The following PIEZO2 variants were observed in gnomAD, a reference collection of about 807,000 sequenced individuals.
The protein encoded by PIEZO2 is piezo-type mechanosensitive ion channel component 2.
Under a neutral mutation model 337.3 loss-of-function variants are expected in PIEZO2, and 172 were observed. The ratio of observed to expected loss-of-function variants is 0.51; its 90% CI spans 0.45 to 0.58. PIEZO2 has a LOEUF of 0.58. PIEZO2 is among the 20% of genes least tolerant of loss of function. The pLI, the probability that PIEZO2 is intolerant of heterozygous loss-of-function variation, is 0.00. For synonymous variants in PIEZO2, 1,251 were observed against 1,228.5 expected, an observed-to-expected ratio of 1.02 and a Z score of -0.38; for missense variants, 3,028 against 3,391.3, an observed-to-expected ratio of 0.89 and a Z score of 2.66.
In PIEZO2 at chr18:10,892,159, G is replaced by A. The variant is rs1162652138; in HGVS notation, c.329+19027C>T. 3.3e-5 allele frequency among the ~76,000 whole-genome samples: 5 copies of A among 152,080 alleles called. No homozygotes were observed. The East Asian group carries it at 7.7e-4, about 23-fold the overall frequency. On this transcript the variant is annotated intron_variant, in intron 4 of 55. Coordinates refer to ENST00000674853, the MANE Select transcript of PIEZO2 (RefSeq NM_001378183.1). ...CAAAACTGAAAACAACCCAATTATC[G>A]ACCAACCAATCAGCAGATAACTGAT...
chr18:10,686,129 C>T (rs1457541737), intron 49 of PIEZO2, among the ~76,000 whole-genome samples: 1 of 152,186 alleles, frequency 6.6e-6, no homozygotes, highest in Non-Finnish European at 1.5e-5. Flanking sequence ...TCTCTGTGCC[C>T]TTGTTGGGCT....
At chr18:10,857,989 T>TTTTCTTTCTTTC (rs1185961096) in intron 5 of PIEZO2, among the ~76,000 whole-genome samples, 2 of 149,382 alleles carry the variant, frequency 1.3e-5, no homozygotes, top group African/African-American at 5.0e-5. Context: ...ACTTTTTCTT[T>TTTTCTTTCTTTC]TTTCTTTCTT....
At chr18:10,955,649 G>C (rs1037976905) in intron 3 of PIEZO2, among the ~76,000 whole-genome samples, 4 of 152,156 alleles carry the variant, frequency 2.6e-5, no homozygotes, top group African/African-American at 9.7e-5. Flanking sequence ...GGGGTACCAT[G>C]TAAGAAGATC....
chr18:10,981,032 T>A (rs2034644232), intron 2 of PIEZO2, among the ~76,000 whole-genome samples: 1 of 152,178 alleles, frequency 6.6e-6, no homozygotes, highest in African/African-American at 2.4e-5. Context: ...GTGCCCATGA[T>A]GTTCTCTTCC....
rs200936722 is a variant in PIEZO2, at chr18:11,006,701, G to C, written c.161-27041C>G. ...TCTTTCCTTTCTTTCCTCCTCCCCTGCCTCCCTCCCTCATGCTCTTCCTCT... is the reference window on the plus strand; with the variant it reads ...TCTTTCCTTTCTTTCCTCCTCCCCTCCCTCCCTCCCTCATGCTCTTCCTCT... On this transcript the variant is annotated intron_variant, in intron 2 of 55. Transcript: ENST00000674853. Among the ~76,000 whole-genome samples the C allele has an allele frequency of 3.3e-5, 5 of 151,760 alleles. No homozygotes were observed. The East Asian group carries it at 7.8e-4, about 24-fold the overall frequency.
chr18:10,797,893 G>A (rs1343346871), intron 11 of PIEZO2, among the ~76,000 whole-genome samples: 1 of 152,224 alleles, frequency 6.6e-6, no homozygotes, highest in Non-Finnish European at 1.5e-5. Flanking sequence ...CTCTAGAGGG[G>A]ATGAAGGGTC....
At chr18:11,007,067 A>G (rs190162928) in intron 2 of PIEZO2, among the ~76,000 whole-genome samples, 50 of 152,298 alleles carry the variant, frequency 3.3e-4, no homozygotes, top group Admixed American at 9.2e-4. Flanking sequence ...TGAGGTATAC[A>G]ATAAATTATT....
At chr18:10,916,601 C>T (rs963380970) in intron 3 of PIEZO2, among the ~76,000 whole-genome samples, 6 of 152,142 alleles carry the variant, frequency 3.9e-5, no homozygotes, top group African/African-American at 9.6e-5. Flanking sequence ...AGGCCGCGCC[C>T]ATCTAGAACT....
chr18:10,990,926 C>T (rs2035066462), intron 2 of PIEZO2, among the ~76,000 whole-genome samples: 1 of 151,824 alleles, frequency 6.6e-6, no homozygotes, highest in South Asian at 2.1e-4. Flanking sequence ...AAAATATTTG[C>T]AAGCCTGTTC....
At position 11,004,549 on chromosome 18, in the gene PIEZO2, G is replaced by A. The variant is rs114857718; in HGVS notation, c.161-24889C>T. Among the ~76,000 whole-genome samples the A allele has an allele frequency of 5.4e-3, 816 of 152,296 alleles. 6 individuals carry two copies. Among genetic ancestry groups the A allele is most frequent in the African/African-American group, 0.019 (773 of 41,560 alleles). The stretch of plus-strand genomic sequence containing the variant: ...AGTTGCTCTCCACCCAGTTGCCTTA[G>A]GGAGTTAGTTTAGAACGGATAAGGA... On this transcript the variant is annotated intron_variant, in intron 2 of 55. Coordinates refer to ENST00000674853, the MANE Select transcript of PIEZO2 (RefSeq NM_001378183.1).
chr18:10,914,460 C>CAT (rs2030766247), intron 3 of PIEZO2, among the ~76,000 whole-genome samples: 3 of 152,058 alleles, frequency 2.0e-5, no homozygotes, highest in South Asian at 4.2e-4. Flanking sequence ...AACCTTGCAG[C>CAT]CCCCTGCATA....
Position 10,689,576 on chromosome 18 carries a change from A to G in PIEZO2, c.7497+79T>C. 10 of 1,578,924 alleles carry G rather than the reference A, an allele frequency of 6.3e-6. 1 individual carries two copies. The South Asian group carries it at 1.1e-4, about 18-fold the overall frequency. On this transcript the variant is annotated intron_variant, in intron 49 of 55. Coordinates refer to ENST00000674853, the MANE Select transcript of PIEZO2 (RefSeq NM_001378183.1). ...TTTGCCTCATGCCTTCATTGTGAGC[A>G]GAAGTTCACATTCATCTTATAACCA...
Position 11,047,558 on chromosome 18 carries a change from T to C in PIEZO2, c.160+18569A>G, listed in dbSNP as rs2037360471. Among the ~76,000 whole-genome samples the C allele has an allele frequency of 6.6e-6, 1 of 152,086 alleles. No individual in the cohort carries two copies. Among genetic ancestry groups the C allele is most frequent in the African/African-American group, 2.4e-5 (1 of 41,400 alleles). ...GGAGGCAAAGCTTGGATAAGGCAGA[T>C]CCTTTTAGCAGAAAACAGTTCCCAG... On this transcript the variant is annotated intron_variant, in intron 2 of 55. Coordinates refer to ENST00000674853, the MANE Select transcript of PIEZO2 (RefSeq NM_001378183.1). This position sits in a 1 kb window ranked among gnomAD's most constrained non-coding sequence, Gnocchi z 7.2.
intron 3 of PIEZO2, among the ~76,000 whole-genome samples, chr18:10,935,174 G>C (rs965711314): frequency 2.0e-5 from 3 of 152,170 alleles, no homozygotes; most frequent in Non-Finnish European, 4.4e-5. Context: ...AGAATATCAT[G>C]GTAGAATTCC....
Position 11,094,141 on chromosome 18 carries a change from G to T in PIEZO2, c.65-27919C>A, listed in dbSNP as rs2865143. On this transcript the variant is annotated intron_variant, in intron 1 of 55. Coordinates refer to ENST00000674853, the MANE Select transcript of PIEZO2 (RefSeq NM_001378183.1). The surrounding 1 kb of genome is among the most constrained non-coding windows in gnomAD (Gnocchi z 4.4). ...TTACAGGTGCTCATCACCACGCCCA[G>T]CTAATTTTTCTATTTTTAATAGAGA... 0.67 allele frequency among the ~76,000 whole-genome samples: 102,330 copies of T among 151,900 alleles called. 35,039 individuals carry two copies. Among genetic ancestry groups the T allele is most frequent in the Non-Finnish European group, 0.72 (48,737 of 67,948 alleles).
chr18:11,049,705 T>C (rs959881949), intron 2 of PIEZO2, among the ~76,000 whole-genome samples: 1 of 152,194 alleles, frequency 6.6e-6, no homozygotes, highest in East Asian at 1.9e-4. Context: ...GATGATTTTA[T>C]AAGACATTTC....
At chr18:10,803,144 AT>A (rs1200406078) in intron 9 of PIEZO2, among the ~76,000 whole-genome samples, 2 of 152,176 alleles carry the variant, frequency 1.3e-5, no homozygotes, top group Non-Finnish European at 2.9e-5. Context: ...CCATTGGCAT[AT>A]CATGCACCCC....
At chr18:10,683,438 G>C (rs1250034274) in intron 49 of PIEZO2, among the ~76,000 whole-genome samples, 2 of 152,186 alleles carry the variant, frequency 1.3e-5, no homozygotes, top group East Asian at 3.9e-4. Flanking sequence ...CTATGGATCT[G>C]CACTATGGAG....
At chr18:10,732,102 G>C (rs149435867) in intron 35 of PIEZO2, among the ~76,000 whole-genome samples, 29 of 152,236 alleles carry the variant, frequency 1.9e-4, no homozygotes, top group African/African-American at 5.3e-4. Context: ...GAAAAACTGT[G>C]GGGCTTTTGG....
Sources: gnomAD v4.1 joint callset for allele counts (sites outside exome capture counted in the v4.1 genomes callset) on GRCh38, gnomAD v4.1.1 for gene constraint, Gnocchi (gnomAD v3.1) non-coding constraint, MANE v1.5 for transcripts, NCBI Gene and HGNC (gene_info 2026-07-23, HGNC 2026-07-21) for gene names.